Variants in CCND3 observed in about 807,000 individuals in gnomAD.
CCND3 encodes G1/S-specific cyclin-D3.
CCND3 carries 9 observed loss-of-function variants against 28.7 expected under a neutral mutation model. The observed-to-expected ratio is 0.31, with a 90% CI of 0.19 to 0.55. CCND3 has a LOEUF of 0.55. Ranked by LOEUF, CCND3 falls within the 20% of genes least tolerant of loss-of-function variation. The pLI, the probability that CCND3 is intolerant of heterozygous loss-of-function variation, is 0.93. For missense variants in CCND3, 315 were observed against 385.8 expected (o/e 0.82, Z 1.54); for synonymous variants, 164 against 163.9 (o/e 1.00, Z 0.00).
chr6:42,028,108 G>A (rs1243426932), intron 1 of CCND3, among the ~76,000 whole-genome samples: 1 of 152,208 alleles, frequency 6.6e-6, no homozygotes, highest in Non-Finnish European at 1.5e-5. Context: ...TTACAAACTT[G>A]TAAAGTCCCT....
At chr6:41,971,613 C>T (rs1454707136) in intron 1 of CCND3, among the ~76,000 whole-genome samples, 1 of 151,622 alleles carries the variant, frequency 6.6e-6, no homozygotes, top group Non-Finnish European at 1.5e-5. Flanking sequence ...ATGATCTTGG[C>T]TCACTGCAAC....
At chr6:42,018,227 C>G (rs918733742) in intron 1 of CCND3, among the ~76,000 whole-genome samples, 3 of 151,822 alleles carry the variant, frequency 2.0e-5, no homozygotes, top group Non-Finnish European at 2.9e-5. Context: ...GAGTCTTGCT[C>G]TGTCACCCAG....
At chr6:41,944,940 A>G (rs188593821), upstream of CCND3, among the ~76,000 whole-genome samples, 3 of 152,324 alleles carry the variant, frequency 2.0e-5, no homozygotes, top group Non-Finnish European at 4.4e-5. Context: ...GGTGAGCTCA[A>G]TGCAGGACCA....
At chr6:41,964,086 A>G (rs1219146225) in intron 1 of CCND3, among the ~76,000 whole-genome samples, 1 of 152,216 alleles carries the variant, frequency 6.6e-6, no homozygotes, top group Non-Finnish European at 1.5e-5. Context: ...CAGAGTTGTG[A>G]AGATGTTTTG....
chr6:41,980,083 G>A (rs7742392), intron 1 of CCND3, among the ~76,000 whole-genome samples: 148,943 of 150,350 alleles, frequency 0.99, 73,786 homozygotes, highest in Middle Eastern at 1. Context: ...TATCTTAAAA[G>A]ACAAATCTTA....
intron 1 of CCND3, among the ~76,000 whole-genome samples, chr6:42,002,010 G>C (rs1763025157): frequency 6.6e-6 from 1 of 151,754 alleles, no homozygotes; most frequent in African/African-American, 2.4e-5. Flanking sequence ...AGCTAGTTGG[G>C]AGGCTGAGGC....
chr6:42,045,725 T>C (rs754501272), intron 1 of CCND3, among the ~76,000 whole-genome samples: 1 of 152,224 alleles, frequency 6.6e-6, no homozygotes, highest in Non-Finnish European at 1.5e-5. Context: ...AACTTGAGGA[T>C]TTAAAATTTA....
chr6:42,019,303 C>A (rs1226339767), intron 1 of CCND3, among the ~76,000 whole-genome samples: 1 of 152,054 alleles, frequency 6.6e-6, no homozygotes, highest in African/African-American at 2.4e-5. Context: ...GCCTGACCAA[C>A]AAGGTGAAAC....
chr6:42,035,076 C>G (rs906071536), intron 1 of CCND3, among the ~76,000 whole-genome samples: 13 of 152,196 alleles, frequency 8.5e-5, no homozygotes, highest in East Asian at 7.7e-4. Flanking sequence ...AACCAATATT[C>G]TGCCAGTCAT....
intron 1 of CCND3, among the ~76,000 whole-genome samples, chr6:41,949,880 G>A (rs1455089023): frequency 1.3e-5 from 2 of 151,308 alleles, no homozygotes; most frequent in Non-Finnish European, 2.9e-5. Flanking sequence ...GGATCACAAG[G>A]TCAGGAGGTT....
rs572046234 is a variant in CCND3, at chr6:42,033,392, T to C, written c.-46+15109A>G. Among the ~76,000 whole-genome samples, 261 of 151,514 alleles carry C rather than the reference T, an allele frequency of 1.7e-3. 1 individual carries two copies. The highest frequency in any genetic ancestry group is 6.0e-3 in the African/African-American group (246 of 41,276). On this transcript the variant is annotated intron_variant, in intron 1 of 4. Coordinates refer to the CCND3 transcript ENST00000372988. ...TTGAACCCGGGAGGCAGAGGTTGCA[T>C]TGAGCTGAGATCACACCATTGCACT... is the stretch of plus-strand genomic sequence containing the variant.
At chr6:41,948,576 C>G (rs373056178) in intron 1 of CCND3, among the ~76,000 whole-genome samples, 1 of 152,052 alleles carries the variant, frequency 6.6e-6, no homozygotes, top group South Asian at 2.1e-4. Context: ...CGGTGGCTCA[C>G]GCCTGTAATC....
At chr6:42,019,909 A>C (rs764814737) in intron 1 of CCND3, among the ~76,000 whole-genome samples, 27 of 152,192 alleles carry the variant, frequency 1.8e-4, no homozygotes, top group Non-Finnish European at 3.5e-4. Flanking sequence ...GGGTGATAAG[A>C]ACTATGGGTG....
intron 1 of CCND3, among the ~76,000 whole-genome samples, chr6:42,020,668 TC>T (rs1763684055): frequency 6.6e-6 from 1 of 152,168 alleles, no homozygotes; most frequent in Non-Finnish European, 1.5e-5. Flanking sequence ...CCTCCCCTAC[TC>T]CCCTTCTCTC....
intron 1 of CCND3, among the ~76,000 whole-genome samples, chr6:42,009,216 C>G (rs1220547664): frequency 6.6e-6 from 1 of 152,182 alleles, no homozygotes; most frequent in Non-Finnish European, 1.5e-5. Context: ...TGGCTCATGC[C>G]TATAACCCCA....
chr6:41,970,370 A>C (rs1762004908), intron 1 of CCND3, among the ~76,000 whole-genome samples: 1 of 152,244 alleles, frequency 6.6e-6, no homozygotes, highest in Admixed American at 6.5e-5. Flanking sequence ...AAATAAAATA[A>C]AAATAAAAAA....
At chr6:41,964,428 T>G (rs1400158991) in intron 1 of CCND3, among the ~76,000 whole-genome samples, 11 of 137,640 alleles carry the variant, frequency 8.0e-5, no homozygotes, top group African/African-American at 2.4e-4. Context: ...GTGAATGTGT[T>G]TGTGTGTATG....
chr6:41,949,454 G>A (rs1344493434), intron 1 of CCND3, among the ~76,000 whole-genome samples: 3 of 152,094 alleles, frequency 2.0e-5, no homozygotes, highest in East Asian at 1.9e-4. Context: ...GCAGTGAGCC[G>A]AGATCGTGCC....
intron 1 of CCND3, among the ~76,000 whole-genome samples, chr6:42,012,949 G>A (rs1197027696): frequency 6.6e-6 from 1 of 152,106 alleles, no homozygotes; most frequent in African/African-American, 2.4e-5. Context: ...CTGACCACTA[G>A]AACATTCCTT....
Sources: gnomAD v4.1 joint callset for allele counts (sites outside exome capture counted in the v4.1 genomes callset) on GRCh38, gnomAD v4.1.1 for gene constraint, MANE v1.5 for transcripts, NCBI Gene and HGNC (gene_info 2026-07-23, HGNC 2026-07-21) for gene names.